VCAN: variants seen among roughly 807,000 people sequenced by gnomAD.
VCAN encodes the protein versican, also known as versican core protein.
VCAN carries 44 observed loss-of-function variants against 245.5 expected under a neutral mutation model. The observed-to-expected ratio is 0.18, with a 90% CI of 0.14 to 0.23. The LOEUF is 0.23. Ranked by LOEUF, VCAN falls within the 10% of genes least tolerant of loss-of-function variation. The pLI, the probability that VCAN is intolerant of heterozygous loss-of-function variation, is 1.00. For synonymous variants in VCAN, 1,413 were observed against 1,437.0 expected, an observed-to-expected ratio of 0.98 and a Z score of 0.38; for missense variants, 3,793 against 4,057.9, an observed-to-expected ratio of 0.93 and a Z score of 1.77.
chr5:83,500,870 T>A (rs1036372379), intron 5 of VCAN, among the ~76,000 whole-genome samples: 2 of 152,210 alleles, frequency 1.3e-5, no homozygotes, highest in African/African-American at 4.8e-5. Context: ...TACTTTGAAC[T>A]TTTTGAGGAA....
intron 11 of VCAN, among the ~76,000 whole-genome samples, chr5:83,554,355 TC>T (rs1423199121): frequency 2.0e-5 from 3 of 152,256 alleles, no homozygotes; most frequent in African/African-American, 7.2e-5. Context: ...ATGCCTACTA[TC>T]GTTTAGAAGT....
intron 13 of VCAN, among the ~76,000 whole-genome samples, chr5:83,573,183 C>T (rs1748354401): frequency 6.6e-6 from 1 of 152,124 alleles, no homozygotes; most frequent in Non-Finnish European, 1.5e-5. Flanking sequence ...CAGGCTTGAG[C>T]CACCGCTCCT....
At chr5:83,559,750 G>A (rs940560053) in intron 12 of VCAN, among the ~76,000 whole-genome samples, 8 of 151,986 alleles carry the variant, frequency 5.3e-5, no homozygotes, top group African/African-American at 9.7e-5. Context: ...ATTAACTTTC[G>A]TCTCTGTTTT....
Position 83,521,349 on chromosome 5 carries a change from A to G in VCAN, c.3043A>G (p.Thr1015Ala), listed in dbSNP as rs1396842109. ...LVIDQTRLEA[T>A]ISPETMRTTK... is the part of the protein sequence containing the mutation. ...CATTGATCAGACTCGCCTTGAAGCG[A>G]CTATTTCTCCAGAAACTATGAGAAC... The change falls in exon 7 of 15, where the codon ACT (threonine) becomes GCT (alanine). Residue 1015 changes from threonine (T) to alanine (A), a missense_variant. By Grantham distance (58) the Thr-to-Ala change is moderately conservative (BLOSUM62 0). Coordinates refer to ENST00000265077, the MANE Select transcript of VCAN (RefSeq NM_004385.5). The G allele has an allele frequency of 6.2e-7, 1 of 1,613,992 alleles. No homozygotes were observed. Among genetic ancestry groups the G allele is most frequent in the Non-Finnish European group, 8.5e-7 (1 of 1,180,002 alleles).
At chr5:83,480,018 A>G (rs1159336126) in intron 1 of VCAN, among the ~76,000 whole-genome samples, 1 of 152,192 alleles carries the variant, frequency 6.6e-6, no homozygotes, top group Non-Finnish European at 1.5e-5. Context: ...GTTAATGCTC[A>G]TGATCAGCCA....
chr5:83,564,553 G>T (rs1008566051), intron 12 of VCAN, among the ~76,000 whole-genome samples: 1 of 152,144 alleles, frequency 6.6e-6, no homozygotes, highest in African/African-American at 2.4e-5. Context: ...TAGCAACTAA[G>T]GCAAATATTA....
intron 2 of VCAN, among the ~76,000 whole-genome samples, chr5:83,486,169 T>C (rs943842009): frequency 1.2e-4 from 18 of 152,122 alleles, no homozygotes; most frequent in Non-Finnish European, 2.5e-4. Context: ...AAATTCCTCC[T>C]CCATGTTCCC....
At chr5:83,548,128 T>C (rs1747307349) in intron 10 of VCAN, 44 bp downstream of exon 10, 1 of 1,535,994 alleles carries the variant, frequency 6.5e-7, no homozygotes, top group Admixed American at 1.7e-5. Flanking sequence ...TTATTGATTT[T>C]TTTTTAGCAA....
At chr5:83,545,746 A>G (rs1482097884) in intron 9 of VCAN, 96 bp downstream of exon 9, 1 of 1,000,270 alleles carries the variant, frequency 1.0e-6, no homozygotes, top group Admixed American at 1.8e-5. Flanking sequence ...TTTCAAAGAA[A>G]CCCATATGAA....
chr5:83,483,392 C>T lies in VCAN; in HGVS notation c.-6-121C>T, dbSNP rs187207326. On this transcript the variant is annotated intron_variant, in intron 1 of 14. Transcript: ENST00000265077. ...AGTCCAAGAGGAGCTACTTCTTCTA[C>T]TCTTATTACTTAATGCTTAATACTA... The T allele has an allele frequency of 3.6e-4, 282 of 779,638 alleles. 1 individual carries two copies. The African/African-American group carries it at 4.3e-3, about 12-fold the overall frequency. 48.3% of individuals were successfully genotyped at this position (779,638 alleles called of 1,614,324 possible).
At chr5:83,476,885 G>C (rs908389014) in intron 1 of VCAN, among the ~76,000 whole-genome samples, 1 of 152,042 alleles carries the variant, frequency 6.6e-6, no homozygotes, top group Non-Finnish European at 1.5e-5. Context: ...TTCCACATCT[G>C]TATACATCCT....
intron 6 of VCAN, among the ~76,000 whole-genome samples, chr5:83,515,158 T>A (rs1745802960): frequency 6.6e-6 from 1 of 152,260 alleles, no homozygotes; most frequent in African/African-American, 2.4e-5. Context: ...AATGTCTTTG[T>A]AAGATAAAGT....
intron 12 of VCAN, among the ~76,000 whole-genome samples, chr5:83,560,894 G>A (rs3931702): frequency 0.37 from 55,751 of 151,852 alleles, 10,442 homozygotes; most frequent in Admixed American, 0.42. Context: ...GGACACTGGT[G>A]TCTTCAGTGG....
chr5:83,530,039 C>T (rs954209470), intron 7 of VCAN, among the ~76,000 whole-genome samples: 4 of 152,074 alleles, frequency 2.6e-5, no homozygotes, highest in East Asian at 1.9e-4. Flanking sequence ...CTTAAAAATC[C>T]GAACCCGACA....
rs1241815847 is a variant in VCAN at position 83,520,254 on chromosome 5, C to T, written c.1948C>T (p.Arg650Cys). Residue 650 changes from arginine (R) to cysteine (C), a missense_variant, in exon 7 of 15, where the codon CGT (arginine) becomes TGT (cysteine). This residue lies in a region of VCAN where 3,182 missense variants were observed against 3,250.3 expected (regional missense o/e 0.98). Transcript: ENST00000265077. Reference sequence around the variant, plus strand: ...TACTACACCTTTTCCATCACAGCATCGTACAGAAATAGAATTGTTTCCTTA... The same window carrying T: ...TACTACACCTTTTCCATCACAGCATTGTACAGAAATAGAATTGTTTCCTTA... Reference protein sequence around the residue: ...LSTTPFPSQHRTEIELFPYSG... With the variant: ...LSTTPFPSQHCTEIELFPYSG... 20 of 1,613,816 alleles carry T rather than the reference C, an allele frequency of 1.2e-5. No individual in the cohort carries two copies. The highest frequency in any genetic ancestry group is 5.0e-5 in the Admixed American group (3 of 59,998).
At position 83,519,605 on chromosome 5, in the gene VCAN, C is replaced by G; in HGVS notation, c.1299C>G (p.Pro433=). ...LPTPTGSTKK[P]WDMDDYSPSA... ...CACCTACTGGCAGTACCAAGAAGCC[C>G]TGGGATATGGATGACTACTCACCTT... The change falls in exon 7 of 15, where the codon CCC becomes CCG. Residue 433 remains proline, a synonymous_variant. Coordinates refer to ENST00000265077, the MANE Select transcript of VCAN (RefSeq NM_004385.5). 6.2e-7 allele frequency: 1 copy of G among 1,614,124 alleles called. No homozygotes were observed. Among genetic ancestry groups the G allele is most frequent in the Non-Finnish European group, 8.5e-7 (1 of 1,179,988 alleles).
intron 7 of VCAN, among the ~76,000 whole-genome samples, chr5:83,525,494 T>A (rs1457199444): frequency 6.6e-6 from 1 of 152,162 alleles, no homozygotes; most frequent in African/African-American, 2.4e-5. Flanking sequence ...AAACAGGTAT[T>A]TTTAAATCAA....
In VCAN at chr5:83,538,292, A is replaced by T. The variant is rs190587279; in HGVS notation, c.5289A>T (p.Thr1763=). 18 of 1,614,108 alleles carry T rather than the reference A, an allele frequency of 1.1e-5. No homozygotes were observed. The East Asian group carries it at 3.6e-4, about 32-fold the overall frequency. ...PFELESPNVA[T]SSDSGTRKSF... ...AATTAGAAAGTCCAAATGTAGCTAC[A>T]TCTAGTGATTCAGGTACCAGGAAAA... is the stretch of plus-strand genomic sequence containing the variant. The change falls in exon 8 of 15, where the codon ACA becomes ACT. Residue 1763 remains threonine, a synonymous_variant. Coordinates refer to ENST00000265077, the MANE Select transcript of VCAN (RefSeq NM_004385.5).
Position 83,539,250 on chromosome 5 carries a change from A to G in VCAN, c.6247A>G (p.Thr2083Ala). The change falls in exon 8 of 15, where the codon ACA (threonine) becomes GCA (alanine). Residue 2083 changes from threonine to alanine, a missense_variant. Transcript: ENST00000265077. The part of the protein sequence containing the change: ...VEKEEVKVSG[T>A]VSTNFPQTIE... The stretch of plus-strand genomic sequence containing the variant: ...GAAGGAGGAAGTAAAGGTCAGTGGC[A>G]CAGTTTCAACAAACTTTCCCCAAAC... The G allele has an allele frequency of 6.2e-7, 1 of 1,614,058 alleles. No individual in the cohort carries two copies. Among genetic ancestry groups the G allele is most frequent in the Non-Finnish European group, 8.5e-7 (1 of 1,179,978 alleles).
Sources: gnomAD v4.1 joint callset for allele counts (sites outside exome capture counted in the v4.1 genomes callset) on GRCh38, gnomAD v4.1.1 for gene constraint, gnomAD v4.1.1 regional missense constraint, MANE v1.5 for transcripts, NCBI Gene and HGNC (gene_info 2026-07-23, HGNC 2026-07-21) for gene names.